TCF12: variants seen among roughly 807,000 people sequenced by gnomAD.
TCF12 encodes DNA-binding protein HTF4.
A neutral mutation model predicts 86.0 loss-of-function variants in TCF12; 45 were observed. The ratio of observed to expected loss-of-function variants is 0.52; its 90% CI spans 0.41 to 0.67. The LOEUF (loss-of-function observed/expected upper bound fraction) is 0.67, where lower values mean the gene tolerates loss of function less well. Ranked by LOEUF, TCF12 falls within the 30% of genes least tolerant of loss-of-function variation. The pLI, the probability that TCF12 is intolerant of heterozygous loss-of-function variation, is 0.00. For synonymous variants in TCF12, 330 were observed against 299.6 expected (o/e 1.10, Z -1.05); for missense variants, 881 against 859.9 (o/e 1.02, Z -0.31).
chr15:56,984,625 T>G (rs1307641617), intron 3 of TCF12, among the ~76,000 whole-genome samples: 1 of 152,084 alleles, frequency 6.6e-6, no homozygotes, highest in Non-Finnish European at 1.5e-5. Context: ...TCTTCTGGAG[T>G]GAGAAACATT....
At chr15:57,076,431 G>A (rs1163183169) in intron 4 of TCF12, among the ~76,000 whole-genome samples, 3 of 152,000 alleles carry the variant, frequency 2.0e-5, no homozygotes, top group Non-Finnish European at 2.9e-5. Context: ...ACTGAGGCGG[G>A]ATCACAAGGT....
At chr15:57,011,232 A>G (rs564674422) in intron 3 of TCF12, among the ~76,000 whole-genome samples, 1 of 152,236 alleles carries the variant, frequency 6.6e-6, no homozygotes, top group South Asian at 2.1e-4. Flanking sequence ...GAGTAATTGA[A>G]TCATGGGGGC....
At position 57,263,314 on chromosome 15, in the gene TCF12, C is replaced by T. The variant is rs754738162; in HGVS notation, c.1745+40C>T. 3.2e-6 allele frequency: 5 copies of T among 1,584,320 alleles called. No individual in the cohort carries two copies. The South Asian group carries it at 5.8e-5, about 18-fold the overall frequency. On this transcript the variant is annotated intron_variant, in intron 18 of 20. Transcript: ENST00000333725. ...CCAGGTTTTAAATTTTATTCATTTT[C>T]CATAGGTAAACATACTTGAGAAGCT...
intron 5 of TCF12, among the ~76,000 whole-genome samples, chr15:57,161,397 A>G (rs2151512071): frequency 6.6e-6 from 1 of 152,330 alleles, no homozygotes; most frequent in South Asian, 2.1e-4. Flanking sequence ...TAAATACTGT[A>G]TAAATTAGTC....
In TCF12 at chr15:57,289,794, G is replaced by A. The variant is rs1252028006; in HGVS notation, c.*3649G>A. 2 of 152,092 alleles carry A rather than the reference G, an allele frequency of 1.3e-5. No individual in the cohort carries two copies. The highest frequency in any genetic ancestry group is 2.9e-5 in the Non-Finnish European group (2 of 68,024). 9.4% of individuals were successfully genotyped at this position (152,092 alleles called of 1,614,324 possible). On this transcript the variant is annotated 3_prime_UTR_variant, in exon 21 of 21. Transcript: ENST00000333725. ...TGTATGGAAAGCTCTTATGGTTCTT[G>A]TCACCTAAGAAGTACTTAATAAATG...
intron 3 of TCF12, among the ~76,000 whole-genome samples, chr15:56,953,878 C>CTT (rs1223090053): frequency 1.5e-4 from 20 of 131,638 alleles, no homozygotes; most frequent in South Asian, 2.4e-4. Context: ...GTTCCTTGGC[C>CTT]TTTTTTTTTT....
chr15:57,212,885 C>A (rs1194654472), intron 8 of TCF12, among the ~76,000 whole-genome samples: 1 of 152,162 alleles, frequency 6.6e-6, no homozygotes, highest in African/African-American at 2.4e-5. Context: ...AGTGCTCTTT[C>A]GCGTTACATG....
chr15:57,157,265 T>G (rs1373685215), intron 5 of TCF12, among the ~76,000 whole-genome samples: 1 of 151,996 alleles, frequency 6.6e-6, no homozygotes, highest in Non-Finnish European at 1.5e-5. Flanking sequence ...AGAGTACACA[T>G]TCATGATGGG....
chr15:57,064,954 G>A (rs1238025652), intron 4 of TCF12, among the ~76,000 whole-genome samples: 1 of 152,138 alleles, frequency 6.6e-6, no homozygotes, highest in Non-Finnish European at 1.5e-5. Context: ...GCCTTAATGG[G>A]AGGAAAACTG....
At chr15:56,998,206 C>G (rs1286778775) in intron 3 of TCF12, among the ~76,000 whole-genome samples, 1 of 152,078 alleles carries the variant, frequency 6.6e-6, no homozygotes, top group Non-Finnish European at 1.5e-5. Flanking sequence ...CCTGTAATCC[C>G]AGCACTTTGG....
At chr15:57,215,501 A>C (rs2058295514) in intron 8 of TCF12, among the ~76,000 whole-genome samples, 1 of 152,128 alleles carries the variant, frequency 6.6e-6, no homozygotes, top group Non-Finnish European at 1.5e-5. Context: ...TTACTCTGAA[A>C]GTCTGTTTTC....
At chr15:57,007,857 CCTTCCTTCCTT>C (rs1567242367) in intron 3 of TCF12, among the ~76,000 whole-genome samples, 118 of 7,950 alleles carry the variant, frequency 0.015, 1 homozygote, top group East Asian at 0.071. Flanking sequence ...TCCCTCCCTT[CCTTCCTTCCTT>C]CCTTCCTTCC....
chr15:57,233,203 C>CTT (rs1157093592), intron 11 of TCF12, among the ~76,000 whole-genome samples: 1 of 151,482 alleles, frequency 6.6e-6, no homozygotes, highest in African/African-American at 2.4e-5. Flanking sequence ...GACAGAGTCT[C>CTT]TCTCTCTCAC....
chr15:57,058,286 G>C (rs1220344243), intron 3 of TCF12, among the ~76,000 whole-genome samples: 1 of 152,056 alleles, frequency 6.6e-6, no homozygotes, highest in East Asian at 1.9e-4. Context: ...CAGTCATTGG[G>C]TTTTCCTTTT....
chr15:57,153,428 G>A (rs2053900896), intron 5 of TCF12, among the ~76,000 whole-genome samples: 1 of 152,154 alleles, frequency 6.6e-6, no homozygotes, highest in South Asian at 2.1e-4. Context: ...CAGGCCATGA[G>A]TCATAGTGTG....
chr15:57,274,226 G>A (rs2061276436), intron 19 of TCF12, among the ~76,000 whole-genome samples: 1 of 67,476 alleles, frequency 1.5e-5, no homozygotes, highest in Non-Finnish European at 3.4e-5. Flanking sequence ...TGGAGCCTCA[G>A]CATTAGATTA....
intron 4 of TCF12, among the ~76,000 whole-genome samples, chr15:57,082,948 A>G (rs1397180821): frequency 2.6e-5 from 4 of 152,218 alleles, no homozygotes; most frequent in Admixed American, 6.5e-5. Flanking sequence ...AAATTGTGGT[A>G]TGTTTATAAA....
Position 57,026,453 on chromosome 15 carries a change from C to G in TCF12, c.149-37297C>G, listed in dbSNP as rs1011883202. Among the ~76,000 whole-genome samples, 9 of 152,282 alleles carry G rather than the reference C, an allele frequency of 5.9e-5. No individual in the cohort carries two copies. The South Asian group carries it at 1.9e-3, about 32-fold the overall frequency. Reference sequence around the variant, plus strand: ...GCAGTCCAGCATGCTGTTGGTAGGACTCTTGTAGAAGAGAGGACCAGAGGA... The same window carrying G: ...GCAGTCCAGCATGCTGTTGGTAGGAGTCTTGTAGAAGAGAGGACCAGAGGA... On this transcript the variant is annotated intron_variant, in intron 3 of 20. Coordinates refer to ENST00000333725, the MANE Select transcript of TCF12 (RefSeq NM_207037.2).
intron 17 of TCF12, among the ~76,000 whole-genome samples, chr15:57,262,869 G>A (rs1379176188): frequency 6.6e-6 from 1 of 152,158 alleles, no homozygotes; most frequent in African/African-American, 2.4e-5. Context: ...GCCTGAAAGT[G>A]AGCATTAAAT....
Sources: gnomAD v4.1 joint callset for allele counts (sites outside exome capture counted in the v4.1 genomes callset) on GRCh38, gnomAD v4.1.1 for gene constraint, MANE v1.5 for transcripts, NCBI Gene and HGNC (gene_info 2026-07-23, HGNC 2026-07-21) for gene names.